Variants in ATP8A2 observed in about 807,000 individuals in gnomAD.
ATP8A2 encodes the protein ATPase phospholipid transporting 8A2, also known as phospholipid-transporting ATPase IB.
A neutral mutation model predicts 165.6 loss-of-function variants in ATP8A2; 100 were observed. The observed-to-expected ratio is 0.60, with a 90% CI of 0.51 to 0.71. The LOEUF is 0.71. ATP8A2 is among the 30% of genes least tolerant of loss of function. The pLI is 0.00. For synonymous variants in ATP8A2, 543 were observed against 548.8 expected (o/e 0.99, Z 0.15); for missense variants, 1,227 against 1,479.5 (o/e 0.83, Z 2.80).
At chr13:25,558,582 G>A (rs1462846662) in intron 13 of ATP8A2, among the ~76,000 whole-genome samples, 3 of 151,998 alleles carry the variant, frequency 2.0e-5, no homozygotes, top group Non-Finnish European at 2.9e-5. Context: ...AAGTCCTGAC[G>A]CCTTTTTGGA....
chr13:25,803,542 T>G (rs1950664939), intron 27 of ATP8A2, among the ~76,000 whole-genome samples: 1 of 152,238 alleles, frequency 6.6e-6, no homozygotes, highest in South Asian at 2.1e-4. Flanking sequence ...CCTCCAGCCA[T>G]ATAATAAGTA....
chr13:25,766,871 T>C (rs548848764), intron 25 of ATP8A2, among the ~76,000 whole-genome samples: 4 of 152,334 alleles, frequency 2.6e-5, no homozygotes, highest in South Asian at 4.1e-4. Context: ...GAGTGTGAGA[T>C]GCAATTGTTT....
intron 33 of ATP8A2, among the ~76,000 whole-genome samples, chr13:25,925,406 C>T (rs953504035): frequency 4.0e-5 from 6 of 151,884 alleles, no homozygotes; most frequent in Non-Finnish European, 8.8e-5. Flanking sequence ...TGGTGGCAGG[C>T]GCCTGTAGTC....
At chr13:25,592,745 A>C (rs1022747061) in intron 24 of ATP8A2, among the ~76,000 whole-genome samples, 1 of 152,198 alleles carries the variant, frequency 6.6e-6, no homozygotes, top group Non-Finnish European at 1.5e-5. Context: ...TCTGGAGTCC[A>C]AGAGATGAAC....
intron 24 of ATP8A2, among the ~76,000 whole-genome samples, chr13:25,607,962 G>A (rs1393160473): frequency 6.6e-6 from 1 of 152,190 alleles, no homozygotes; most frequent in African/African-American, 2.4e-5. Flanking sequence ...AAAATAGTGA[G>A]TTTTCCTCTT....
At chr13:25,454,719 C>T (rs559995652) in intron 1 of ATP8A2, among the ~76,000 whole-genome samples, 14 of 152,202 alleles carry the variant, frequency 9.2e-5, no homozygotes, top group Non-Finnish European at 1.3e-4. Context: ...GTCATGAGAT[C>T]GAGACCAGCC....
At chr13:26,002,562 TAAAA>T (rs56339912) in intron 35 of ATP8A2, among the ~76,000 whole-genome samples, 2 of 135,458 alleles carry the variant, frequency 1.5e-5, no homozygotes, top group Admixed American at 7.5e-5. Flanking sequence ...CTTAAAGTAT[TAAAA>T]AAAAAAAAAA....
At chr13:25,472,319 A>G (rs551079555) in intron 2 of ATP8A2, among the ~76,000 whole-genome samples, 2 of 151,546 alleles carry the variant, frequency 1.3e-5, no homozygotes, top group South Asian at 4.2e-4. Flanking sequence ...GCTTGAATCC[A>G]GGAGGCAGAG....
At chr13:25,673,451 C>T (rs1048186145) in intron 24 of ATP8A2, among the ~76,000 whole-genome samples, 2 of 152,192 alleles carry the variant, frequency 1.3e-5, no homozygotes, top group Non-Finnish European at 2.9e-5. Context: ...TAACTGTCCT[C>T]CTGTCATGTA....
intron 13 of ATP8A2, among the ~76,000 whole-genome samples, chr13:25,556,524 G>C (rs776616619): frequency 1.3e-5 from 2 of 151,948 alleles, no homozygotes; most frequent in Non-Finnish European, 2.9e-5. Context: ...GACCTTTGTC[G>C]GATGTATAAT....
chr13:25,934,408 A>T (rs377584117), intron 33 of ATP8A2, among the ~76,000 whole-genome samples: 1 of 152,208 alleles, frequency 6.6e-6, no homozygotes, highest in Admixed American at 6.5e-5. Context: ...CATTGAGCTG[A>T]TACAGATCGC....
intron 33 of ATP8A2, among the ~76,000 whole-genome samples, chr13:25,874,412 G>A (rs946096307): frequency 3.9e-5 from 6 of 152,134 alleles, no homozygotes; most frequent in Non-Finnish European, 7.3e-5. Context: ...CTGGACCTAC[G>A]TGCTCCTATT....
chr13:25,489,222 C>T (rs1422576883), intron 2 of ATP8A2, among the ~76,000 whole-genome samples: 1 of 152,084 alleles, frequency 6.6e-6, no homozygotes, highest in African/African-American at 2.4e-5. Context: ...TACACAAGGC[C>T]ACTCTCGTTC....
At chr13:25,662,143 G>A (rs969412522) in intron 24 of ATP8A2, among the ~76,000 whole-genome samples, 1 of 152,160 alleles carries the variant, frequency 6.6e-6, no homozygotes, top group East Asian at 1.9e-4. Flanking sequence ...CTACCTCATA[G>A]CATTATTGTG....
At chr13:25,383,365 A>C (rs1346974448) in intron 1 of ATP8A2, among the ~76,000 whole-genome samples, 1 of 152,158 alleles carries the variant, frequency 6.6e-6, no homozygotes, top group Non-Finnish European at 1.5e-5. Flanking sequence ...AGCCTCCCAA[A>C]GTGCTGGGAT....
At chr13:25,427,849 G>A (rs983886015) in intron 1 of ATP8A2, among the ~76,000 whole-genome samples, 6 of 151,688 alleles carry the variant, frequency 4.0e-5, no homozygotes, top group African/African-American at 7.3e-5. Context: ...AACCGAGATC[G>A]AGCCACTGCA....
rs1449415780 is a variant in ATP8A2, at chr13:25,698,026, T to C, written c.2212-1147T>C. Among the ~76,000 whole-genome samples, 5 of 152,212 alleles carry C rather than the reference T, an allele frequency of 3.3e-5. No homozygotes were observed. The South Asian group carries it at 1.0e-3, about 32-fold the overall frequency. On this transcript the variant is annotated intron_variant, in intron 24 of 36. Coordinates refer to ENST00000381655, the MANE Select transcript of ATP8A2 (RefSeq NM_016529.6). The stretch of plus-strand genomic sequence containing the variant: ...TTAATTAAACATATTTCTTTAAGAT[T>C]GCAATTTACCTTATCATATAATAAA...
chr13:25,640,138 A>G (rs2041478844), intron 24 of ATP8A2, among the ~76,000 whole-genome samples: 3 of 152,230 alleles, frequency 2.0e-5, no homozygotes, highest in Admixed American at 2.0e-4. Context: ...CTAAATGCCC[A>G]CAAGAGAAAG....
In ATP8A2 at chr13:25,984,559, G is replaced by GTGCCAC. The variant is rs535730637; in HGVS notation, c.3377+15882_3377+15883insCCACTG. Among the ~76,000 whole-genome samples, 982 of 150,496 alleles carry GTGCCAC rather than the reference G, an allele frequency of 6.5e-3. 5 individuals carry two copies. The highest frequency in any genetic ancestry group is 0.028 in the Middle Eastern group (8 of 288). On this transcript the variant is annotated intron_variant, in intron 35 of 36. Transcript: ENST00000381655. The stretch of plus-strand genomic sequence containing the variant: ...GTAGAGGTTGCAGTAAACCAAGATT[G>GTGCCAC]TGTCCTCTAGCCTTGCCGACAGAGT...
Sources: allele counts gnomAD v4.1 joint callset (sites outside exome capture counted in the v4.1 genomes callset), GRCh38; gene constraint gnomAD v4.1.1; transcripts MANE v1.5; gene names NCBI Gene and HGNC (gene_info 2026-07-23, HGNC 2026-07-21).